The following TM7SF2 variants were observed in gnomAD, a reference collection of about 807,000 sequenced individuals.
The protein encoded by TM7SF2 is delta(14)-sterol reductase TM7SF2.
In TM7SF2, 51 loss-of-function variants were observed where a neutral mutation model predicts 51.0. The ratio of observed to expected loss-of-function variants is 1.00; its 90% CI spans 0.80 to 1.26. The LOEUF (loss-of-function observed/expected upper bound fraction) is 1.26. Ranked by LOEUF, TM7SF2 falls within the 50% of genes most tolerant of loss-of-function variation. The probability of loss-of-function intolerance (pLI) is 0.00; values close to 1 mark genes in which losing one functional copy is unlikely to be tolerated. For missense variants in TM7SF2, 541 were observed against 547.4 expected, an observed-to-expected ratio of 0.99 and a Z score of 0.12; for synonymous variants, 255 against 241.0, an observed-to-expected ratio of 1.06 and a Z score of -0.54.
In TM7SF2 at chr11:65,116,154, C is replaced by T. The variant is rs1947982097; in HGVS notation, c.*101C>T. 2.1e-6 allele frequency: 3 copies of T among 1,430,390 alleles called. No individual in the cohort carries two copies. The highest frequency in any genetic ancestry group is 1.4e-5 in the African/African-American group (1 of 70,462). 88.6% of individuals were successfully genotyped at this position (1,430,390 alleles called of 1,614,324 possible). ...ACTTGGGACTCAAGGGCTTGCACCC[C>T]ACCCAGCCCTGAGGATGAACAACCT... On this transcript the variant is annotated 3_prime_UTR_variant, in exon 10 of 10. Coordinates refer to ENST00000279263, the MANE Select transcript of TM7SF2 (RefSeq NM_003273.6).
Position 65,111,881 on chromosome 11 carries a change from C to G in TM7SF2, c.-135C>G. On this transcript the variant is annotated 5_prime_UTR_variant, in exon 1 of 10. Transcript: ENST00000279263. ...GACGAGAGCGGTCCTTGTCTGCGTT[C>G]CGTGTCCAGGCAGGTGCAGGCGCCG... 4 of 1,091,700 alleles carry G rather than the reference C, an allele frequency of 3.7e-6. No individual in the cohort carries two copies. Among genetic ancestry groups the G allele is most frequent in the Non-Finnish European group, 5.4e-6 (4 of 736,786 alleles). The allele number at this position is 1,091,700 out of a possible 1,614,324, so 67.6% of individuals were successfully genotyped here. A position where few individuals can be genotyped will look rare whatever the true frequency, so the allele number is the denominator to read the frequency against.
At chr11:65,113,899 A>G (rs1590816800) in intron 5 of TM7SF2, 2 of 419,016 alleles carry the variant, frequency 4.8e-6, no homozygotes, top group East Asian at 1.0e-4. Flanking sequence ...ACAGCAGTCA[A>G]GCACAGAATC....
Position 65,112,877 on chromosome 11 carries a change from A to G in TM7SF2, c.304+12A>G. ...CTATCCTATTAACGGTGCCTAGGGG[A>G]CGGGCCCTCGCGCTGGAGTTAAGCG... On this transcript the variant is annotated intron_variant, in intron 3 of 9. Coordinates refer to ENST00000279263, the MANE Select transcript of TM7SF2 (RefSeq NM_003273.6). The G allele has an allele frequency of 7.7e-6, 12 of 1,549,722 alleles. No individual in the cohort carries two copies. The highest frequency in any genetic ancestry group is 1.0e-5 in the Non-Finnish European group (12 of 1,146,582).
chr11:65,112,454 C>G lies in TM7SF2; in HGVS notation c.53-61C>G, dbSNP rs1216919208. 3.5e-6 allele frequency: 5 copies of G among 1,440,290 alleles called. No individual in the cohort carries two copies. In the East Asian group the frequency reaches 8.5e-5, roughly 25 times the overall value. 89.2% of individuals were successfully genotyped at this position (1,440,290 alleles called of 1,614,324 possible). ...CCGCAGAGACGTCAGGGCGCCCGTGCGGGCCGGCGGGGAGCTGGGGGGCTA... is the reference window on the plus strand; with the variant it reads ...CCGCAGAGACGTCAGGGCGCCCGTGGGGGCCGGCGGGGAGCTGGGGGGCTA... On this transcript the variant is annotated intron_variant, in intron 1 of 9. Transcript: ENST00000279263.
At position 65,115,892 on chromosome 11, in the gene TM7SF2, G is replaced by C. The variant is rs749953666; in HGVS notation, c.1097-1G>C. The C allele has an allele frequency of 6.2e-7, 1 of 1,614,048 alleles. No individual in the cohort carries two copies. Among genetic ancestry groups the C allele is most frequent in the Non-Finnish European group, 8.5e-7 (1 of 1,179,994 alleles). On this transcript the variant is annotated splice_acceptor_variant, in intron 9 of 9. Coordinates refer to ENST00000279263, the MANE Select transcript of TM7SF2 (RefSeq NM_003273.6). LOFTEE classifies it high-confidence loss of function. ...TGGTCACAGAGCCTCCTTCTCTACA[G>C]GGGTGTCACACCTGCTGCCCTACTT... is the stretch of plus-strand genomic sequence containing the variant.
At chr11:65,112,333 G>T in intron 1 of TM7SF2, 182 bp from the exon 2 acceptor site, 1 of 736,166 alleles carries the variant, frequency 1.4e-6, no homozygotes, top group South Asian at 1.9e-5. Flanking sequence ...GACTAAGATG[G>T]ACGCCTGGGA....
Position 65,114,701 on chromosome 11 carries a change from C to A in TM7SF2, c.604-12C>A. On this transcript the variant is annotated splice_polypyrimidine_tract_variant and intron_variant, in intron 5 of 9. Transcript: ENST00000279263. The stretch of plus-strand genomic sequence containing the variant: ...CTTCTGTGGAGACTATTGCCTTGTT[C>A]CCTCTCCCCAGGTCCTCATCAACCT... 6.2e-7 allele frequency: 1 copy of A among 1,613,134 alleles called. No individual in the cohort carries two copies. The highest frequency in any genetic ancestry group is 1.1e-5 in the South Asian group (1 of 90,866).
chr11:65,115,700 G>A, intron 9 of TM7SF2, 102 bp downstream of exon 9: 6 of 1,601,978 alleles, frequency 3.7e-6, no homozygotes, highest in African/African-American at 1.3e-5. Context: ...AGAGTAGTCA[G>A]AGAGCTGGGG....
intron 3 of TM7SF2, 70 bp from the exon 4 acceptor site, chr11:65,113,150 T>G: frequency 6.9e-7 from 1 of 1,454,100 alleles, no homozygotes; most frequent in Non-Finnish European, 9.1e-7. Flanking sequence ...AGTTTTGGGC[T>G]CTGCGTGTGT....
Position 65,113,478 on chromosome 11 carries a change from CA to C in TM7SF2, c.500-11del. 1 of 1,614,142 alleles carries C rather than the reference CA, an allele frequency of 6.2e-7. No homozygotes were observed. The highest frequency in any genetic ancestry group is 8.5e-7 in the Non-Finnish European group (1 of 1,179,980). On this transcript the variant is annotated splice_polypyrimidine_tract_variant and intron_variant, in intron 4 of 9. Coordinates refer to ENST00000279263, the MANE Select transcript of TM7SF2 (RefSeq NM_003273.6). ...GGCGTCTGCCTGTACATTCACTCTC[CA>C]ATATTCTCCAGGCAATCCGATTTAC...
rs764855560 is a variant in TM7SF2 at position 65,115,986 on chromosome 11, A to G, written c.1190A>G (p.Lys397Arg). Residue 397 changes from lysine to arginine, a missense_variant, in exon 10 of 10, where the codon AAG becomes AGG. Lys to Arg is a conservative substitution (Grantham distance 26). Transcript: ENST00000279263. Reference protein sequence around the residue: ...EARDERQCLQKYGLAWQEYCR... With the variant: ...EARDERQCLQRYGLAWQEYCR... ...CGGGATGAGCGGCAGTGCCTGCAGA[A>G]GTACGGCCTGGCCTGGCAGGAGTAC... 1.2e-6 allele frequency: 2 copies of G among 1,613,476 alleles called. No homozygotes were observed. The highest frequency in any genetic ancestry group is 2.2e-5 in the South Asian group (2 of 91,076).
At position 65,116,187 on chromosome 11, in the gene TM7SF2, G is replaced by C; in HGVS notation, c.*134G>C. On this transcript the variant is annotated 3_prime_UTR_variant, in exon 10 of 10. Transcript: ENST00000279263. ...CCTGAGGATGAACAACCTCAGAGAAGAGGTGGTTTAGAGCAAGGAAAAAAA... is the reference window on the plus strand; with the variant it reads ...CCTGAGGATGAACAACCTCAGAGAACAGGTGGTTTAGAGCAAGGAAAAAAA... 2 of 1,293,972 alleles carry C rather than the reference G, an allele frequency of 1.5e-6. No homozygotes were observed. The highest frequency in any genetic ancestry group is 2.1e-6 in the Non-Finnish European group (2 of 962,010). 80.2% of individuals were successfully genotyped at this position (1,293,972 alleles called of 1,614,324 possible). A position where few individuals can be genotyped will look rare whatever the true frequency, so the allele number is the denominator to read the frequency against.
chr11:65,112,594 G>C lies in TM7SF2; in HGVS notation c.132G>C (p.Leu44=). ...LLAARSGPAR[L]LGPPASLPGL... ...CGGCCCGTTCGGGCCCCGCGCGCCTGCTGGGTCCACCCGCGTCCCTGCCGG... is the reference window on the plus strand; with the variant it reads ...CGGCCCGTTCGGGCCCCGCGCGCCTCCTGGGTCCACCCGCGTCCCTGCCGG... Residue 44 remains leucine (L), a synonymous_variant, in exon 2 of 10, where the codon CTG becomes CTC. Coordinates refer to ENST00000279263, the MANE Select transcript of TM7SF2 (RefSeq NM_003273.6). 1 of 1,517,990 alleles carries C rather than the reference G, an allele frequency of 6.6e-7. No homozygotes were observed. The highest frequency in any genetic ancestry group is 8.8e-7 in the Non-Finnish European group (1 of 1,140,100). The allele number at this position is 1,517,990 out of a possible 1,614,324, so 94.0% of individuals were successfully genotyped here. A position where few individuals can be genotyped will look rare whatever the true frequency, so the allele number is the denominator to read the frequency against.
chr11:65,112,879 G>T lies in TM7SF2; in HGVS notation c.304+14G>T. 2.6e-6 allele frequency: 4 copies of T among 1,550,466 alleles called. No homozygotes were observed. The Middle Eastern group carries it at 5.0e-4, about 195-fold the overall frequency. On this transcript the variant is annotated intron_variant, in intron 3 of 9. Transcript: ENST00000279263. ...ATCCTATTAACGGTGCCTAGGGGAC[G>T]GGCCCTCGCGCTGGAGTTAAGCGGC...
rs1032053988 is a variant in TM7SF2 at position 65,112,517 on chromosome 11, G to T, written c.55G>T (p.Ala19Ser). The T allele has an allele frequency of 2.0e-6, 3 of 1,520,268 alleles. No individual in the cohort carries two copies. The highest frequency in any genetic ancestry group is 1.4e-5 in the African/African-American group (1 of 69,740). The allele number at this position is 1,520,268 out of a possible 1,614,324, so 94.2% of individuals were successfully genotyped here. ...CGACGTGATGGCCCTTCCCGCAGGC[G>T]CCGCGGCTCTGCTACTGCTGCTGCC... Reference protein sequence around the residue: ...APLEFGGPLGAAALLLLLPAT... With the variant: ...APLEFGGPLGSAALLLLLPAT... The change falls in exon 2 of 10, where the codon GCC becomes TCC. Residue 19 changes from alanine to serine, a missense_variant and splice_region_variant. Transcript: ENST00000279263.
intron 2 of TM7SF2, 27 bp downstream of exon 2, chr11:65,112,738 G>C (rs566043987): frequency 2.8e-5 from 43 of 1,548,848 alleles, no homozygotes; most frequent in Non-Finnish European, 3.1e-5. Flanking sequence ...CGGACGCTCG[G>C]GGGAGGGAAG....
In TM7SF2 at chr11:65,113,290, G is replaced by C; in HGVS notation, c.375G>C (p.Ala125=). ...TGTCAGCGGGGCTGCCTCTGGGGGC[G>C]CTCCCGGAAATGCTCCTGCCCTTGG... ...LGMSAGLPLG[A]LPEMLLPLAF... is the part of the protein sequence containing the mutation. Residue 125 remains alanine, a synonymous_variant, in exon 4 of 10, where the codon GCG becomes GCC. Transcript: ENST00000279263. 2 of 1,611,506 alleles carry C rather than the reference G, an allele frequency of 1.2e-6. No homozygotes were observed. Among genetic ancestry groups the C allele is most frequent in the Non-Finnish European group, 1.7e-6 (2 of 1,180,002 alleles).
At chr11:65,113,911 A>G (rs559801050) in intron 5 of TM7SF2, 5 of 391,462 alleles carry the variant, frequency 1.3e-5, no homozygotes, top group African/African-American at 4.1e-5. Flanking sequence ...CACAGAATCT[A>G]TTTCCAGGGA....
Position 65,112,646 on chromosome 11 carries a change from G to A in TM7SF2, c.184G>A (p.Ala62Thr). ...PGLEVLWSPRALLLWLAWLGL... is the reference protein window; with the variant it reads ...PGLEVLWSPRTLLLWLAWLGL... ...GCTGGAGGTGCTGTGGAGCCCACGG[G>A]CGCTGCTGCTGTGGCTCGCCTGGCT... Residue 62 changes from alanine (A) to threonine (T), a missense_variant, in exon 2 of 10, where the codon GCG (alanine) becomes ACG (threonine). Transcript: ENST00000279263. The A allele has an allele frequency of 1.3e-6, 2 of 1,537,890 alleles. No homozygotes were observed. The highest frequency in any genetic ancestry group is 1.2e-5 in the South Asian group (1 of 83,166).
Sources: gnomAD v4.1 joint callset for allele counts on GRCh38, gnomAD v4.1.1 for gene constraint, MANE v1.5 for transcripts, NCBI Gene and HGNC (gene_info 2026-07-23, HGNC 2026-07-21) for gene names.